Variants in TRPC7 observed in about 807,000 individuals in gnomAD.
TRPC7 encodes short transient receptor potential channel 7.
TRPC7 carries 42 observed loss-of-function variants against 90.1 expected under a neutral mutation model. The observed-to-expected ratio is 0.47, with a 90% CI of 0.36 to 0.60. The LOEUF (loss-of-function observed/expected upper bound fraction) is 0.60, where lower values mean the gene tolerates loss of function less well. Ranked by LOEUF, TRPC7 falls within the 20% of genes least tolerant of loss-of-function variation. TRPC7 has a pLI of 0.00. For synonymous variants in TRPC7, 451 were observed against 436.3 expected, an observed-to-expected ratio of 1.03 and a Z score of -0.42; for missense variants, 955 against 1,112.3, an observed-to-expected ratio of 0.86 and a Z score of 2.01.
chr5:136,288,316 G>A lies in TRPC7; in HGVS notation c.964-13479C>T, dbSNP rs77388159. Among the ~76,000 whole-genome samples, 295 of 151,988 alleles carry A rather than the reference G, an allele frequency of 1.9e-3. 1 individual carries two copies. The highest frequency in any genetic ancestry group is 6.5e-3 in the African/African-American group (268 of 41,434). On this transcript the variant is annotated intron_variant, in intron 3 of 11. Coordinates refer to ENST00000513104, the MANE Select transcript of TRPC7 (RefSeq NM_020389.3). ...CTCCAGTCATTACACATTTAATGCT[G>A]TATATACACATGTATATAGATTATA...
chr5:136,247,806 C>T lies in TRPC7; in HGVS notation c.1580-71G>A. ...TCTAGAAGAGAAACCAGTTAGGCAT[C>T]TTTAGAGGTCTCCAACTGCATCATT... On this transcript the variant is annotated intron_variant, in intron 6 of 11. Transcript: ENST00000513104. The surrounding 1 kb of genome is among the most constrained non-coding windows in gnomAD (Gnocchi z 4.2). 2.0e-6 allele frequency: 3 copies of T among 1,521,984 alleles called. No individual in the cohort carries two copies. Among genetic ancestry groups the T allele is most frequent in the Non-Finnish European group, 2.7e-6 (3 of 1,130,152 alleles). 94.3% of individuals were successfully genotyped at this position (1,521,984 alleles called of 1,614,324 possible).
At chr5:136,315,920 G>T in intron 2 of TRPC7, 141 bp from the exon 3 acceptor site, 2 of 802,444 alleles carry the variant, frequency 2.5e-6, no homozygotes, top group Non-Finnish European at 2.0e-6. Flanking sequence ...AACGCAGCAG[G>T]ATGTGCTGGG....
At chr5:136,350,742 T>A (rs577646286) in intron 2 of TRPC7, among the ~76,000 whole-genome samples, 1 of 152,360 alleles carries the variant, frequency 6.6e-6, no homozygotes, top group East Asian at 1.9e-4. Flanking sequence ...ATGCACACTT[T>A]GACTACATTT....
chr5:136,361,811 T>C (rs568433460), intron 1 of TRPC7, among the ~76,000 whole-genome samples: 15 of 152,132 alleles, frequency 9.9e-5, no homozygotes, highest in Non-Finnish European at 1.9e-4. Flanking sequence ...GTACATATTC[T>C]GAGTATTAGT....
chr5:136,277,020 T>A (rs1163740832), intron 3 of TRPC7, among the ~76,000 whole-genome samples: 1 of 152,216 alleles, frequency 6.6e-6, no homozygotes, highest in African/African-American at 2.4e-5. Context: ...TGACTCACCC[T>A]ATGGCTCCCT....
intron 3 of TRPC7, among the ~76,000 whole-genome samples, chr5:136,311,506 G>A (rs1285132688): frequency 6.6e-6 from 1 of 152,206 alleles, no homozygotes; most frequent in Non-Finnish European, 1.5e-5. Flanking sequence ...CAGTTGTTGG[G>A]GCTGGAAGTT....
At chr5:136,304,189 CT>C (rs1430114180) in intron 3 of TRPC7, among the ~76,000 whole-genome samples, 3 of 151,936 alleles carry the variant, frequency 2.0e-5, no homozygotes, top group African/African-American at 7.3e-5. Flanking sequence ...CTTGTATCCC[CT>C]CACCTTAGCC....
rs565297081 is a variant in TRPC7, at chr5:136,274,620, T to G, written c.1128+53A>C. Reference sequence around the variant, plus strand: ...GAACAAAATGGATTTCAGATCATGCTAAGAAGAGAGAAGAAATAACCGCAA... The same window carrying G: ...GAACAAAATGGATTTCAGATCATGCGAAGAAGAGAGAAGAAATAACCGCAA... On this transcript the variant is annotated intron_variant, in intron 4 of 11. Coordinates refer to ENST00000513104, the MANE Select transcript of TRPC7 (RefSeq NM_020389.3). 1.5e-5 allele frequency: 23 copies of G among 1,504,622 alleles called. No homozygotes were observed. The African/African-American group carries it at 2.8e-4, about 18-fold the overall frequency. 93.2% of individuals were successfully genotyped at this position (1,504,622 alleles called of 1,614,324 possible).
At chr5:136,363,157 A>G (rs1760620352) in intron 1 of TRPC7, among the ~76,000 whole-genome samples, 1 of 152,212 alleles carries the variant, frequency 6.6e-6, no homozygotes, top group Admixed American at 6.5e-5. Context: ...AGCAGCTAAT[A>G]TCAGAGGGCA....
intron 3 of TRPC7, among the ~76,000 whole-genome samples, chr5:136,310,969 G>A (rs921759970): frequency 2.6e-5 from 4 of 152,094 alleles, no homozygotes; most frequent in African/African-American, 9.7e-5. Context: ...GATAATATAT[G>A]TGCTTTCTGC....
chr5:136,357,163 G>T lies in TRPC7; in HGVS notation c.225C>A (p.Asp75Glu). Residue 75 changes from aspartate to glutamate, a missense_variant, in exon 2 of 12, where the codon GAC becomes GAA. By Grantham distance (45) the Asp-to-Glu change is conservative. This residue lies in a region of TRPC7 where 161 missense variants were observed against 145.7 expected (regional missense o/e 1.10). Coordinates refer to ENST00000513104, the MANE Select transcript of TRPC7 (RefSeq NM_020389.3). ...ESKTLNFNCV[D>E]YMGQNALQLA... is the part of the protein sequence containing the mutation. ...GCTGCAGAGCGTTCTGCCCCATGTAGTCCACACAGTTGAAGTTAAGGGTCT... is the reference window on the plus strand; with the variant it reads ...GCTGCAGAGCGTTCTGCCCCATGTATTCCACACAGTTGAAGTTAAGGGTCT... The T allele has an allele frequency of 6.2e-7, 1 of 1,614,076 alleles. No homozygotes were observed. Among genetic ancestry groups the T allele is most frequent in the Admixed American group, 1.7e-5 (1 of 60,032 alleles).
chr5:136,271,573 AG>A (rs1253595849), intron 4 of TRPC7, among the ~76,000 whole-genome samples: 1 of 152,260 alleles, frequency 6.6e-6, no homozygotes, highest in Non-Finnish European at 1.5e-5. Flanking sequence ...GAGAGAATAA[AG>A]AACTCTTTAG....
At chr5:136,362,282 C>A (rs1760590518) in intron 1 of TRPC7, among the ~76,000 whole-genome samples, 1 of 152,084 alleles carries the variant, frequency 6.6e-6, no homozygotes, top group Non-Finnish European at 1.5e-5. Flanking sequence ...ATGTGCCAGC[C>A]ACCATGCTGA....
At chr5:136,315,804 G>C (rs543743742) in intron 2 of TRPC7, 25 bp from the exon 3 acceptor site, 40 of 1,605,142 alleles carry the variant, frequency 2.5e-5, no homozygotes, top group Non-Finnish European at 3.2e-5. Context: ...AGAAATCAGC[G>C]GTATGTCACA....
chr5:136,212,905 T>A lies in TRPC7; in HGVS notation c.*530A>T, dbSNP rs1015216012. 6.6e-6 allele frequency among the ~76,000 whole-genome samples: 1 copy of A among 152,232 alleles called. No individual in the cohort carries two copies. The highest frequency in any genetic ancestry group is 1.5e-5 in the Non-Finnish European group (1 of 68,038). ...AATTTAGGATTTTTAAACTTTTTTT[T>A]TATATAAACAAATAGAACTATTTTG... On this transcript the variant is annotated 3_prime_UTR_variant, in exon 12 of 12. Transcript: ENST00000513104.
At chr5:136,298,067 C>A (rs1338121781) in intron 3 of TRPC7, among the ~76,000 whole-genome samples, 1 of 152,140 alleles carries the variant, frequency 6.6e-6, no homozygotes, top group Non-Finnish European at 1.5e-5. Flanking sequence ...TGAGTTGCTG[C>A]TACAGAATTA....
chr5:136,341,755 T>C (rs1027922659), intron 2 of TRPC7, among the ~76,000 whole-genome samples: 1 of 152,226 alleles, frequency 6.6e-6, no homozygotes. Context: ...AACCAAACTC[T>C]TGGCTGCTCC....
chr5:136,238,564 A>G (rs1756063523), intron 7 of TRPC7, among the ~76,000 whole-genome samples: 2 of 152,158 alleles, frequency 1.3e-5, no homozygotes, highest in South Asian at 4.1e-4. Flanking sequence ...GGCAGCTTAA[A>G]CCATATTATC....
chr5:136,325,787 C>T (rs1399371014), intron 2 of TRPC7, among the ~76,000 whole-genome samples: 1 of 152,008 alleles, frequency 6.6e-6, no homozygotes, highest in African/African-American at 2.4e-5. Context: ...TGCTGACTTC[C>T]CAAAGCTGGA....
Sources: gnomAD v4.1 joint callset for allele counts (sites outside exome capture counted in the v4.1 genomes callset) on GRCh38, gnomAD v4.1.1 for gene constraint, gnomAD v4.1.1 regional missense constraint, Gnocchi (gnomAD v3.1) non-coding constraint, MANE v1.5 for transcripts, NCBI Gene and HGNC (gene_info 2026-07-23, HGNC 2026-07-21) for gene names.